The following PATL1 variants were observed in gnomAD, a reference collection of about 807,000 sequenced individuals.
The protein encoded by PATL1 is protein PAT1 homolog 1.
Under a neutral mutation model 100.6 loss-of-function variants are expected in PATL1, and 32 were observed. That is an observed-to-expected ratio of 0.32 (90% CI 0.24 to 0.43). PATL1 has a LOEUF of 0.43. Among genes scored for constraint, PATL1 ranks in the 20% least tolerant of loss-of-function variants. PATL1 has a pLI of 1.00. For missense variants in PATL1, 747 were observed against 949.9 expected (o/e 0.79, Z 2.81); for synonymous variants, 332 against 330.0 (o/e 1.01, Z -0.07).
chr11:59,650,854 T>G (rs1370394095), intron 12 of PATL1, 41 bp from the exon 13 acceptor site: 1 of 1,374,916 alleles, frequency 7.3e-7, no homozygotes, highest in Non-Finnish European at 9.9e-7. Context: ...TCTTTATCTC[T>G]GTTAAAATAA....
chr11:59,665,418 T>C (rs1861673263), intron 2 of PATL1, among the ~76,000 whole-genome samples: 1 of 152,226 alleles, frequency 6.6e-6, no homozygotes. Context: ...ATTTATACAT[T>C]TGAACATAAA....
Position 59,652,829 on chromosome 11 carries a change from A to C in PATL1, c.1302+9T>G, listed in dbSNP as rs765021637. 3.3e-5 allele frequency: 53 copies of C among 1,610,846 alleles called. No homozygotes were observed. The highest frequency in any genetic ancestry group is 4.5e-5 in the Non-Finnish European group (53 of 1,178,220). ...ACTATTATCCTCAAAACTAGCACAG[A>C]GTATTTACCTGGTAATAAAAATCAT... On this transcript the variant is annotated intron_variant, in intron 10 of 18. Coordinates refer to ENST00000300146, the MANE Select transcript of PATL1 (RefSeq NM_152716.3).
At chr11:59,653,065 G>T in intron 9 of PATL1, 47 bp from the exon 10 acceptor site, 28 of 1,451,594 alleles carry the variant, frequency 1.9e-5, no homozygotes, top group South Asian at 1.0e-4. Context: ...AATTAATTAC[G>T]CTTTTTAACA....
intron 4 of PATL1, 60 bp downstream of exon 4, chr11:59,658,806 G>A: frequency 3.0e-6 from 4 of 1,322,562 alleles, no homozygotes; most frequent in East Asian, 2.5e-5. Flanking sequence ...AAAGGATGAC[G>A]ACAGGAACTT....
chr11:59,649,820 C>T (rs1861416290), intron 13 of PATL1, among the ~76,000 whole-genome samples: 1 of 151,940 alleles, frequency 6.6e-6, no homozygotes, highest in Admixed American at 6.6e-5. Flanking sequence ...TCTATTCTAG[C>T]AGGCAAAGAC....
At chr11:59,657,035 A>T in intron 5 of PATL1, 1 of 950,162 alleles carries the variant, frequency 1.1e-6, no homozygotes, top group Non-Finnish European at 1.3e-6. Context: ...ATTTCATAGG[A>T]TTTGAGCCTA....
In PATL1 at chr11:59,666,896, CTCTTCA is replaced by C. The variant is rs756600461; in HGVS notation, c.78_83del (p.Asp26_Glu27del). 5.8e-6 allele frequency: 9 copies of C among 1,551,018 alleles called. No individual in the cohort carries two copies. The highest frequency in any genetic ancestry group is 4.8e-5 in the South Asian group (4 of 84,050). ...ATGTATCATCATTGAATTGATCAATCTCTTCATCTTCTTCTCCCAGTCCCTGAAATG... is the reference window on the plus strand; with the variant it reads ...ATGTATCATCATTGAATTGATCAATCTCTTCTTCTCCCAGTCCCTGAAATG... On this transcript the variant is annotated inframe_deletion, in exon 2 of 19. Coordinates refer to ENST00000300146, the MANE Select transcript of PATL1 (RefSeq NM_152716.3).
chr11:59,657,795 C>G, intron 4 of PATL1, 71 bp from the exon 5 acceptor site: 1 of 1,149,518 alleles, frequency 8.7e-7, no homozygotes, highest in South Asian at 2.6e-5. Flanking sequence ...TCTACAGATG[C>G]CAAAAATACC....
rs1233775437 is a variant in PATL1 at position 59,656,062 on chromosome 11, A to G, written c.724-17T>C. 4 of 1,378,518 alleles carry G rather than the reference A, an allele frequency of 2.9e-6. No individual in the cohort carries two copies. In the African/African-American group the frequency reaches 4.5e-5, roughly 15 times the overall value. 85.4% of individuals were successfully genotyped at this position (1,378,518 alleles called of 1,614,324 possible). On this transcript the variant is annotated splice_polypyrimidine_tract_variant and intron_variant, in intron 6 of 18. Coordinates refer to ENST00000300146, the MANE Select transcript of PATL1 (RefSeq NM_152716.3). Reference sequence around the variant, plus strand: ...GGAAGAGTTCTAAGGTAAAAAAAAAAAAAAAAAAAAGAATATGCTATAAAA... The same window carrying G: ...GGAAGAGTTCTAAGGTAAAAAAAAAGAAAAAAAAAAGAATATGCTATAAAA...
chr11:59,659,097 T>C (rs1861591016), intron 3 of PATL1, among the ~76,000 whole-genome samples, 151 bp from the exon 4 acceptor site: 1 of 152,230 alleles, frequency 6.6e-6, no homozygotes, highest in Admixed American at 6.5e-5. Context: ...TCCCCAAGTT[T>C]ATCTCTAGAA....
chr11:59,655,377 C>T, intron 8 of PATL1, 146 bp downstream of exon 8: 1 of 779,194 alleles, frequency 1.3e-6, no homozygotes, highest in South Asian at 2.0e-5. Context: ...TGGAGATTGT[C>T]AAACATTTCC....
chr11:59,659,218 T>G lies in PATL1; in HGVS notation c.345+34A>C. 2.0e-6 allele frequency: 3 copies of G among 1,531,318 alleles called. No homozygotes were observed. The East Asian group carries it at 7.4e-5, about 38-fold the overall frequency. 94.9% of individuals were successfully genotyped at this position (1,531,318 alleles called of 1,614,324 possible). ...CAATACTTCACTTTAATTTTTAGTC[T>G]GCTATAGTTCTCAAATCACAGTAAC... On this transcript the variant is annotated intron_variant, in intron 3 of 18. Transcript: ENST00000300146.
chr11:59,648,186 T>C (rs1282700901), intron 14 of PATL1, among the ~76,000 whole-genome samples: 1 of 130,356 alleles, frequency 7.7e-6, no homozygotes, highest in East Asian at 2.0e-4. Context: ...ACTTTTTTTC[T>C]TTTTTTTTTT....
At chr11:59,660,613 G>A (rs1479707413) in intron 2 of PATL1, among the ~76,000 whole-genome samples, 3 of 152,078 alleles carry the variant, frequency 2.0e-5, no homozygotes, top group South Asian at 2.1e-4. Flanking sequence ...TTTGAGAAAC[G>A]GCAAGGAGGA....
rs1335138201 is a variant in PATL1 at position 59,637,482 on chromosome 11, G to C, written c.*908C>G. 1 of 152,688 alleles carries C rather than the reference G, an allele frequency of 6.5e-6. No homozygotes were observed. The highest frequency in any genetic ancestry group is 1.5e-5 in the Non-Finnish European group (1 of 68,052). The allele number at this position is 152,688 out of a possible 1,614,324, so 9.5% of individuals were successfully genotyped here. Reference sequence around the variant, plus strand: ...TTACTGAAGTAGTCTCAGGAAGACAGGGCAAGTGTGCAAAAAGCCACACTG... The same window carrying C: ...TTACTGAAGTAGTCTCAGGAAGACACGGCAAGTGTGCAAAAAGCCACACTG... On this transcript the variant is annotated 3_prime_UTR_variant, in exon 19 of 19. Coordinates refer to ENST00000300146, the MANE Select transcript of PATL1 (RefSeq NM_152716.3).
At chr11:59,665,655 G>A (rs1366500558) in intron 2 of PATL1, among the ~76,000 whole-genome samples, 2 of 151,974 alleles carry the variant, frequency 1.3e-5, no homozygotes, top group Non-Finnish European at 2.9e-5. Context: ...AAAATTAGCC[G>A]GGCGCTTGTG....
At position 59,642,914 on chromosome 11, in the gene PATL1, G is replaced by A; in HGVS notation, c.2015C>T (p.Ser672Phe). Residue 672 changes from serine to phenylalanine, a missense_variant, in exon 16 of 19, where the codon TCC (serine) becomes TTC (phenylalanine). Around this residue, in one of 4 missense-constraint regions of PATL1, gnomAD observed 434 missense variants for 596.1 expected, o/e 0.73. Coordinates refer to ENST00000300146, the MANE Select transcript of PATL1 (RefSeq NM_152716.3). ...LPQSAATPAL[S>F]NPHLTAVLQN... ...GAGCACAGCAGTGAGGTGAGGATTG[G>A]AGAGTGCTGGTGTAGCTGCACTTTG... The A allele has an allele frequency of 6.2e-7, 1 of 1,613,942 alleles. No individual in the cohort carries two copies. The highest frequency in any genetic ancestry group is 1.1e-5 in the South Asian group (1 of 91,080).
At chr11:59,639,504 G>T in intron 16 of PATL1, 121 bp from the exon 17 acceptor site, 1 of 719,202 alleles carries the variant, frequency 1.4e-6, no homozygotes, top group Non-Finnish European at 2.3e-6. Flanking sequence ...TCACTACTGT[G>T]CTTTTCTGTA....
intron 10 of PATL1, 26 bp from the exon 11 acceptor site, chr11:59,652,613 G>A: frequency 3.7e-6 from 6 of 1,611,702 alleles, no homozygotes; most frequent in Non-Finnish European, 5.1e-6. Flanking sequence ...GATTTCAGTT[G>A]TAACACAAGC....
Sources: allele counts gnomAD v4.1 joint callset (sites outside exome capture counted in the v4.1 genomes callset), GRCh38; gene constraint gnomAD v4.1.1; regional missense constraint gnomAD v4.1.1; transcripts MANE v1.5; gene names NCBI Gene and HGNC (gene_info 2026-07-23, HGNC 2026-07-21).